Variants in SFR1 observed in about 807,000 individuals in gnomAD.
SFR1 encodes the protein SWI5 dependent homologous recombination repair protein 1, also known as swi5-dependent recombination DNA repair protein 1 homolog.
In SFR1, 24 loss-of-function variants were observed where a neutral mutation model predicts 26.2. The ratio of observed to expected loss-of-function variants is 0.92; its 90% CI spans 0.66 to 1.29. The LOEUF is 1.29. Among genes scored for constraint, SFR1 ranks in the 50% most tolerant of loss-of-function variants. The probability of loss-of-function intolerance (pLI) is 0.00; values close to 1 mark genes in which losing one functional copy is unlikely to be tolerated. For missense variants in SFR1, 276 were observed against 270.2 expected (o/e 1.02, Z -0.15); for synonymous variants, 77 against 96.6 (o/e 0.80, Z 1.19).
intron 2 of SFR1, 167 bp downstream of exon 2, chr10:104,123,253 A>G (rs972926456): frequency 4.9e-5 from 27 of 548,642 alleles, no homozygotes; most frequent in Admixed American, 1.0e-4. Flanking sequence ...CATATATGAC[A>G]CCCACCAGCC....
intron 1 of SFR1, 150 bp downstream of exon 1, chr10:104,122,346 C>CG: frequency 7.2e-7 from 1 of 1,389,384 alleles, no homozygotes; most frequent in Non-Finnish European, 9.3e-7. Context: ...CTTTCTGCAA[C>CG]GGGGGGAAGG....
At chr10:104,123,353 G>C (rs1218056718) in intron 2 of SFR1, 2 of 418,720 alleles carry the variant, frequency 4.8e-6, no homozygotes, top group African/African-American at 4.1e-5. Flanking sequence ...GTTTGCATCT[G>C]TGCAATATTA....
rs751924659 is a variant in SFR1, at chr10:104,125,548, G to A, written c.582G>A (p.Lys194=). The A allele has an allele frequency of 8.7e-6, 14 of 1,612,638 alleles. No homozygotes were observed. The highest frequency in any genetic ancestry group is 1.2e-5 in the Non-Finnish European group (14 of 1,179,588). The part of the protein sequence containing the change: ...DLSQLQLLIK[K]WRSCSQLLLY... ...CTCAGTTACAGTTGTTAATAAAGAAGTGGAGAAGCTGTAGCCAGCTCTTGC... is the reference window on the plus strand; with the variant it reads ...CTCAGTTACAGTTGTTAATAAAGAAATGGAGAAGCTGTAGCCAGCTCTTGC... The change falls in exon 4 of 4, where the codon AAG becomes AAA. Residue 194 remains lysine, a synonymous_variant. Coordinates refer to ENST00000369727, the MANE Select transcript of SFR1 (RefSeq NM_001002759.2).
In SFR1 at chr10:104,125,784, A is replaced by G; in HGVS notation, c.*80A>G. The G allele has an allele frequency of 2.5e-6, 2 of 807,372 alleles. 1 individual carries two copies. The highest frequency in any genetic ancestry group is 5.6e-5 in the Admixed American group (2 of 35,762). The allele number at this position is 807,372 out of a possible 1,614,324, so 50.0% of individuals were successfully genotyped here. On this transcript the variant is annotated 3_prime_UTR_variant, in exon 4 of 4. Coordinates refer to ENST00000369727, the MANE Select transcript of SFR1 (RefSeq NM_001002759.2). ...CTTAGGCACTTTTTTTTTTTTTTTG[A>G]GACTGAGTTTCGCTCTTGTCATCCT...
At position 104,125,767 on chromosome 10, in the gene SFR1, CT is replaced by C. The variant is rs201504294; in HGVS notation, c.*78del. The C allele has an allele frequency of 0.24, 199,924 of 839,662 alleles. 8,166 individuals are homozygous for C. The highest frequency in any genetic ancestry group is 0.53 in the African/African-American group (28,585 of 54,370). The allele number at this position is 839,662 out of a possible 1,614,324, so 52.0% of individuals were successfully genotyped here. A position where few individuals can be genotyped will look rare whatever the true frequency, so the allele number is the denominator to read the frequency against. ...AACTTAATTAAAAGATACTTAGGCACTTTTTTTTTTTTTTTGAGACTGAGTT... is the reference window on the plus strand; with the variant it reads ...AACTTAATTAAAAGATACTTAGGCACTTTTTTTTTTTTTTGAGACTGAGTT... On this transcript the variant is annotated 3_prime_UTR_variant, in exon 4 of 4. Coordinates refer to ENST00000369727, the MANE Select transcript of SFR1 (RefSeq NM_001002759.2).
Position 104,125,564 on chromosome 10 carries a change from C to A in SFR1, c.598C>A (p.Gln200Lys). The A allele has an allele frequency of 6.2e-7, 1 of 1,613,596 alleles. No homozygotes were observed. The highest frequency in any genetic ancestry group is 8.5e-7 in the Non-Finnish European group (1 of 1,179,740). ...AATAAAGAAGTGGAGAAGCTGTAGC[C>A]AGCTCTTGCTTTATGAGTTGCAGTC... is the stretch of plus-strand genomic sequence containing the variant. ...LLIKKWRSCS[Q>K]LLLYELQSAV... Residue 200 changes from glutamine (Q) to lysine (K), a missense_variant, in exon 4 of 4, where the codon CAG becomes AAG. Gln to Lys is a moderately conservative substitution (Grantham distance 53). Transcript: ENST00000369727.
intron 3 of SFR1, among the ~76,000 whole-genome samples, chr10:104,124,409 A>G (rs1307180226): frequency 2.6e-5 from 4 of 152,212 alleles, no homozygotes; most frequent in Non-Finnish European, 1.5e-5. Flanking sequence ...TGTTAGATGC[A>G]AGTACAATGG....
intron 2 of SFR1, chr10:104,123,440 C>T (rs1312814380): frequency 2.6e-5 from 10 of 384,890 alleles, no homozygotes; most frequent in Non-Finnish European, 4.6e-5. Flanking sequence ...TACTATCAGG[C>T]ATGTGCTTGT....
upstream of SFR1, chr10:104,122,019 G>GGC (rs2086967465): frequency 2.8e-6 from 2 of 725,530 alleles, no homozygotes; most frequent in African/African-American, 1.8e-5. Flanking sequence ...CGCTGGCGGA[G>GGC]GCGCGCGCGC....
rs751229255 is a variant in SFR1, at chr10:104,123,036, C to A, written c.85C>A (p.Gln29Lys). The A allele has an allele frequency of 1.9e-6, 3 of 1,606,654 alleles. No individual in the cohort carries two copies. In the African/African-American group the frequency reaches 4.0e-5, roughly 22 times the overall value. ...AGCTGTGGTTTTACCTAGCACTCCT[C>A]AGGCCTCTGCGAATCCATCATCTCC... ...DSAVVLPSTP[Q>K]ASANPSSPYT... Residue 29 changes from glutamine to lysine, a missense_variant, in exon 2 of 4, where the codon CAG becomes AAG. Transcript: ENST00000369727.
chr10:104,122,452 C>T, intron 1 of SFR1: 3 of 985,418 alleles, frequency 3.0e-6, no homozygotes, highest in South Asian at 4.7e-5. Flanking sequence ...TCCCTGTTGG[C>T]CGCTTAAACT....
Position 104,125,762 on chromosome 10 carries a change from A to ACG in SFR1, c.*58_*59insCG. ...ATGACAACTTAATTAAAAGATACTT[A>ACG]GGCACTTTTTTTTTTTTTTTGAGAC... is the stretch of plus-strand genomic sequence containing the variant. On this transcript the variant is annotated 3_prime_UTR_variant, in exon 4 of 4. Coordinates refer to ENST00000369727, the MANE Select transcript of SFR1 (RefSeq NM_001002759.2). 1.6e-6 allele frequency: 2 copies of ACG among 1,212,510 alleles called. No homozygotes were observed. Among genetic ancestry groups the ACG allele is most frequent in the Non-Finnish European group, 2.3e-6 (2 of 868,860 alleles). 75.1% of individuals were successfully genotyped at this position (1,212,510 alleles called of 1,614,324 possible). A position where few individuals can be genotyped will look rare whatever the true frequency, so the allele number is the denominator to read the frequency against.
At chr10:104,122,091 T>C (rs2086968648), upstream of SFR1, 1 of 1,433,736 alleles carries the variant, frequency 7.0e-7, no homozygotes, top group East Asian at 2.5e-5. Flanking sequence ...ATCTGGCCAA[T>C]TGCGCATCTT....
intron 1 of SFR1, 70 bp downstream of exon 1, chr10:104,122,266 T>C (rs1408597566): frequency 1.4e-6 from 2 of 1,474,464 alleles, no homozygotes; most frequent in Non-Finnish European, 1.8e-6. Context: ...TGGAGTCGAG[T>C]TGAGCTCCCT....
chr10:104,123,206 C>G (rs1410965580), intron 2 of SFR1, 120 bp downstream of exon 2: 1 of 802,436 alleles, frequency 1.2e-6, no homozygotes, highest in Middle Eastern at 2.5e-4. Context: ...AATAAGTAGA[C>G]ATTTTATTAA....
At chr10:104,122,160 C>G, upstream of SFR1, 1 of 1,548,074 alleles carries the variant, frequency 6.5e-7, no homozygotes, top group Non-Finnish European at 8.7e-7. Flanking sequence ...CGCAGGTGCG[C>G]GCGCTTTTTT....
rs1225987618 is a variant in SFR1 at position 104,126,202 on chromosome 10, C to A, written c.*498C>A. 6.6e-6 allele frequency: 1 copy of A among 152,650 alleles called. No individual in the cohort carries two copies. Among genetic ancestry groups the A allele is most frequent in the East Asian group, 1.9e-4 (1 of 5,204 alleles). The allele number at this position is 152,650 out of a possible 1,614,324, so 9.5% of individuals were successfully genotyped here. A position where few individuals can be genotyped will look rare whatever the true frequency, so the allele number is the denominator to read the frequency against. On this transcript the variant is annotated 3_prime_UTR_variant, in exon 4 of 4. Coordinates refer to ENST00000369727, the MANE Select transcript of SFR1 (RefSeq NM_001002759.2). ...GCAGTTCTGGAAACTAGTTTTAATACATTTGTTTTTTATGACAAAAAGTTT... is the reference window on the plus strand; with the variant it reads ...GCAGTTCTGGAAACTAGTTTTAATAAATTTGTTTTTTATGACAAAAAGTTT...
intron 1 of SFR1, chr10:104,122,665 ATTC>A: frequency 2.2e-6 from 3 of 1,342,084 alleles, no homozygotes; most frequent in Non-Finnish European, 2.9e-6. Flanking sequence ...TAAAGCTGTT[ATTC>A]TTCCCTACTT....
chr10:104,123,040 C>A lies in SFR1; in HGVS notation c.89C>A (p.Ala30Asp), dbSNP rs761450467. ...GTGGTTTTACCTAGCACTCCTCAGG[C>A]CTCTGCGAATCCATCATCTCCCTAT... is the stretch of plus-strand genomic sequence containing the variant. ...SAVVLPSTPQ[A>D]SANPSSPYTN... Residue 30 changes from alanine (A) to aspartate (D), a missense_variant, in exon 2 of 4, where the codon GCC becomes GAC. Coordinates refer to ENST00000369727, the MANE Select transcript of SFR1 (RefSeq NM_001002759.2). The A allele has an allele frequency of 1.2e-6, 2 of 1,606,566 alleles. No homozygotes were observed. The highest frequency in any genetic ancestry group is 2.2e-5 in the South Asian group (2 of 90,070).
Sources: gnomAD v4.1 joint callset for allele counts (sites outside exome capture counted in the v4.1 genomes callset) on GRCh38, gnomAD v4.1.1 for gene constraint, MANE v1.5 for transcripts, NCBI Gene and HGNC (gene_info 2026-07-23, HGNC 2026-07-21) for gene names.